The following AFAP1 variants were observed in gnomAD, a reference collection of about 807,000 sequenced individuals.
AFAP1 encodes actin filament-associated protein 1.
In AFAP1, 75 loss-of-function variants were observed where a neutral mutation model predicts 93.9. The observed-to-expected ratio is 0.80, with a 90% CI of 0.66 to 0.97. AFAP1 has a LOEUF of 0.97. Ranked by LOEUF, AFAP1 falls within the 50% of genes least tolerant of loss-of-function variation. AFAP1 has a pLI of 0.00. For missense variants in AFAP1, 1,201 were observed against 1,050.8 expected, an observed-to-expected ratio of 1.14 and a Z score of -1.98; for synonymous variants, 517 against 430.7, an observed-to-expected ratio of 1.20 and a Z score of -2.48.
At chr4:7,815,960 T>C in intron 8 of AFAP1, 58 bp downstream of exon 8, 1 of 1,454,710 alleles carries the variant, frequency 6.9e-7, no homozygotes, top group Non-Finnish European at 9.4e-7. Context: ...TGGCTGTAGA[T>C]TTTTGTTTTT....
At chr4:7,932,880 C>T (rs1383996248) in intron 1 of AFAP1, among the ~76,000 whole-genome samples, 1 of 151,998 alleles carries the variant, frequency 6.6e-6, no homozygotes, top group East Asian at 1.9e-4. Context: ...ATTAGCCAGG[C>T]TTGGTGGCAC....
At chr4:7,915,023 T>A (rs578233227) in intron 1 of AFAP1, among the ~76,000 whole-genome samples, 1 of 152,252 alleles carries the variant, frequency 6.6e-6, no homozygotes, top group Admixed American at 6.5e-5. Flanking sequence ...GTGCTGGGAT[T>A]ACAGGCGTGA....
intron 8 of AFAP1, among the ~76,000 whole-genome samples, chr4:7,811,492 G>A (rs1473526633): frequency 1.3e-5 from 2 of 148,788 alleles, no homozygotes; most frequent in Non-Finnish European, 3.0e-5. Flanking sequence ...GCTGGGGAGC[G>A]GGAAGTGGTC....
chr4:7,771,114 C>T (rs1353480106), intron 16 of AFAP1, among the ~76,000 whole-genome samples: 2 of 152,258 alleles, frequency 1.3e-5, no homozygotes, highest in Non-Finnish European at 2.9e-5. Context: ...CTGACACCAA[C>T]GTGTTTTATT....
intron 11 of AFAP1, among the ~76,000 whole-genome samples, chr4:7,789,243 A>T (rs1717602764): frequency 6.6e-6 from 1 of 152,194 alleles, no homozygotes; most frequent in Non-Finnish European, 1.5e-5. Flanking sequence ...CCAAAGACAG[A>T]AGTGGAAATG....
intron 1 of AFAP1, among the ~76,000 whole-genome samples, chr4:7,926,696 T>C (rs1720786043): frequency 6.6e-6 from 1 of 152,174 alleles, no homozygotes; most frequent in Admixed American, 6.5e-5. Context: ...CTGTAGGGCC[T>C]CTTCCCTAGA....
intron 1 of AFAP1, among the ~76,000 whole-genome samples, chr4:7,934,486 G>C (rs545063910): frequency 1.1e-4 from 17 of 152,306 alleles, no homozygotes; most frequent in African/African-American, 3.6e-4. Flanking sequence ...AACTTAGTAT[G>C]TGCACAGAAA....
rs1489672293 is a variant in AFAP1 at position 7,827,457 on chromosome 4, G to C, written c.727-8286C>G. Among the ~76,000 whole-genome samples, 3 of 151,694 alleles carry C rather than the reference G, an allele frequency of 2.0e-5. No homozygotes were observed. In the East Asian group the frequency reaches 5.8e-4, roughly 29 times the overall value. On this transcript the variant is annotated intron_variant, in intron 6 of 17. Transcript: ENST00000420658. ...GTGGTGGCACACGCCTGTAATCCCA[G>C]CTACTTGGGAGGCTGAGGCAGGAGA...
At chr4:7,764,926 G>A (rs569883254) in intron 17 of AFAP1, among the ~76,000 whole-genome samples, 18 of 152,188 alleles carry the variant, frequency 1.2e-4, no homozygotes, top group Admixed American at 3.9e-4. Context: ...AGCAACTTAG[G>A]GAGACCCCAA....
chr4:7,827,973 G>T (rs1214875456), intron 6 of AFAP1, among the ~76,000 whole-genome samples: 3 of 152,188 alleles, frequency 2.0e-5, no homozygotes, highest in Non-Finnish European at 2.9e-5. Flanking sequence ...GGGGTAAAAG[G>T]AAATGAAAGT....
At chr4:7,854,625 A>AGAGAAG (rs1714836925) in intron 4 of AFAP1, among the ~76,000 whole-genome samples, 1 of 152,226 alleles carries the variant, frequency 6.6e-6, no homozygotes, top group African/African-American at 2.4e-5. Flanking sequence ...CTTAGGAGAC[A>AGAGAAG]GCGAAGGCCG....
intron 3 of AFAP1, among the ~76,000 whole-genome samples, chr4:7,860,087 G>A (rs1715501890): frequency 1.3e-5 from 2 of 152,142 alleles, no homozygotes; most frequent in African/African-American, 4.8e-5. Context: ...AGGCTGCAGT[G>A]AGCCATGATC....
intron 3 of AFAP1, among the ~76,000 whole-genome samples, chr4:7,865,028 T>A (rs1187053389): frequency 1.3e-5 from 2 of 151,866 alleles, no homozygotes; most frequent in African/African-American, 4.8e-5. Context: ...TGTGGGGACA[T>A]CAACTATTAA....
At chr4:7,933,771 T>G (rs928205608) in intron 1 of AFAP1, among the ~76,000 whole-genome samples, 3 of 152,160 alleles carry the variant, frequency 2.0e-5, no homozygotes, top group African/African-American at 7.2e-5. Flanking sequence ...ACCTCAGTCC[T>G]GCAACCACAA....
intron 6 of AFAP1, among the ~76,000 whole-genome samples, chr4:7,828,168 T>C (rs1390326539): frequency 6.6e-6 from 1 of 152,140 alleles, no homozygotes; most frequent in East Asian, 1.9e-4. Flanking sequence ...CTATGGTACC[T>C]GCACAGCACA....
chr4:7,765,210 A>C (rs1309603290), intron 17 of AFAP1, among the ~76,000 whole-genome samples: 1 of 152,100 alleles, frequency 6.6e-6, no homozygotes, highest in African/African-American at 2.4e-5. Flanking sequence ...AAGGCCTCCC[A>C]TCTCCACTCT....
rs529400422 is a variant in AFAP1, at chr4:7,814,452, C to T, written c.904+1566G>A. On this transcript the variant is annotated intron_variant, in intron 8 of 17. Coordinates refer to ENST00000420658, the MANE Select transcript of AFAP1 (RefSeq NM_001134647.2). ...CGAGGGAAATGAAAACATATGTCCA[C>T]GCAAAAACCTGTCTCTGAATGCACA... Among the ~76,000 whole-genome samples, 28 of 152,274 alleles carry T rather than the reference C, an allele frequency of 1.8e-4. No homozygotes were observed. In the East Asian group the frequency reaches 3.5e-3, roughly 19 times the overall value.
chr4:7,862,086 T>C (rs1715769469), intron 3 of AFAP1: 2 of 152,296 alleles, frequency 1.3e-5, no homozygotes, highest in Admixed American at 1.3e-4. Flanking sequence ...TAGTCCCCGC[T>C]ACTCAGGAGG....
At chr4:7,774,415 C>T (rs998140601) in intron 15 of AFAP1, 34 of 310,228 alleles carry the variant, frequency 1.1e-4, no homozygotes, top group African/African-American at 5.8e-4. Flanking sequence ...CTGCGTCCTG[C>T]GGATACAGGG....
Sources: gnomAD v4.1 joint callset for allele counts (sites outside exome capture counted in the v4.1 genomes callset) on GRCh38, gnomAD v4.1.1 for gene constraint, MANE v1.5 for transcripts, NCBI Gene and HGNC (gene_info 2026-07-23, HGNC 2026-07-21) for gene names.